SNX25: variants seen among roughly 807,000 people sequenced by gnomAD.
SNX25 encodes the protein sorting nexin-25.
Under a neutral mutation model 113.7 loss-of-function variants are expected in SNX25, and 62 were observed. The ratio of observed to expected loss-of-function variants is 0.55; its 90% CI spans 0.44 to 0.67. The LOEUF (loss-of-function observed/expected upper bound fraction) is 0.67. Ranked by LOEUF, SNX25 falls within the 30% of genes least tolerant of loss-of-function variation. SNX25 has a pLI of 0.00. For synonymous variants in SNX25, 421 were observed against 436.2 expected (o/e 0.97, Z 0.43); for missense variants, 1,014 against 1,161.0 (o/e 0.87, Z 1.84).
At chr4:185,324,398 C>G (rs1038447449) in intron 9 of SNX25, among the ~76,000 whole-genome samples, 7 of 152,232 alleles carry the variant, frequency 4.6e-5, no homozygotes, top group Non-Finnish European at 7.3e-5. Context: ...AGAGGGGCTT[C>G]TGGCCGATTT....
At chr4:185,281,145 A>C (rs769540061) in intron 5 of SNX25, among the ~76,000 whole-genome samples, 4 of 152,090 alleles carry the variant, frequency 2.6e-5, no homozygotes, top group African/African-American at 4.8e-5. Context: ...TTGTTGGACT[A>C]GAGTGATCTT....
chr4:185,239,461 A>AG (rs1290168948), intron 1 of SNX25, among the ~76,000 whole-genome samples: 2 of 152,044 alleles, frequency 1.3e-5, no homozygotes, highest in Non-Finnish European at 2.9e-5. Flanking sequence ...CCAGCCTGGC[A>AG]ACAGAGTGAG....
chr4:185,212,463 A>ATT (rs143929504), intron 1 of SNX25, among the ~76,000 whole-genome samples: 63,930 of 119,140 alleles, frequency 0.54, 17,876 homozygotes, highest in East Asian at 0.75. Flanking sequence ...AATTTGTGTG[A>ATT]TGTGTGTGTG....
chr4:185,235,044 G>A (rs1742407894), intron 1 of SNX25, among the ~76,000 whole-genome samples: 1 of 152,170 alleles, frequency 6.6e-6, no homozygotes, highest in Non-Finnish European at 1.5e-5. Flanking sequence ...TTTCGTATTT[G>A]TTCAGAGAAA....
intron 3 of SNX25, among the ~76,000 whole-genome samples, chr4:185,259,822 A>G (rs1172031312): frequency 6.6e-6 from 1 of 152,176 alleles, no homozygotes; most frequent in Non-Finnish European, 1.5e-5. Context: ...GGGAAGAGAT[A>G]AAGTATTTAG....
chr4:185,310,342 G>A (rs1306972139), intron 6 of SNX25, among the ~76,000 whole-genome samples: 2 of 152,200 alleles, frequency 1.3e-5, no homozygotes, highest in African/African-American at 4.8e-5. Context: ...ATATAAAGAT[G>A]TTAAAGAATA....
chr4:185,347,082 C>T (rs940212604), intron 13 of SNX25, among the ~76,000 whole-genome samples: 6 of 152,246 alleles, frequency 3.9e-5, no homozygotes, highest in African/African-American at 7.2e-5. Context: ...ACTCATCCAT[C>T]CTGTCATCTT....
chr4:185,228,482 G>A (rs143929033), intron 1 of SNX25, among the ~76,000 whole-genome samples: 8 of 151,846 alleles, frequency 5.3e-5, no homozygotes, highest in African/African-American at 1.2e-4. Context: ...AGCGGGAGAC[G>A]AAATTAATTA....
chr4:185,363,507 T>C lies in SNX25; in HGVS notation c.*42T>C. 4 of 1,568,424 alleles carry C rather than the reference T, an allele frequency of 2.6e-6. No individual in the cohort carries two copies. The highest frequency in any genetic ancestry group is 1.7e-4 in the Middle Eastern group (1 of 5,976). On this transcript the variant is annotated 3_prime_UTR_variant, in exon 19 of 19. Transcript: ENST00000652585. This position sits in a 1 kb window ranked among gnomAD's most constrained non-coding sequence, Gnocchi z 4.2. The stretch of plus-strand genomic sequence containing the variant: ...CACCAGAAAAATGTCTGTGTAATAA[T>C]AGACATGAAACATTTTCCTCTTTTC...
intron 5 of SNX25, among the ~76,000 whole-genome samples, chr4:185,278,943 A>G (rs1399099673): frequency 6.6e-6 from 1 of 152,316 alleles, no homozygotes; most frequent in African/African-American, 2.4e-5. Context: ...AAAAGGCACC[A>G]GCTAGCCAGT....
rs1355602166 is a variant in SNX25, at chr4:185,210,777, T to C, written c.429+522T>C. ...CACCACCCTATCCTGCCTTCCACCA[T>C]GCGGATACGTATTATAGTTGTGCAG... On this transcript the variant is annotated intron_variant, in intron 1 of 18. Transcript: ENST00000652585. This position sits in a 1 kb window ranked among gnomAD's most constrained non-coding sequence, Gnocchi z 4.4. Among the ~76,000 whole-genome samples, 1 of 151,984 alleles carries C rather than the reference T, an allele frequency of 6.6e-6. No homozygotes were observed. Among genetic ancestry groups the C allele is most frequent in the African/African-American group, 2.4e-5 (1 of 41,378 alleles).
chr4:185,298,277 T>C (rs911566762), intron 6 of SNX25, among the ~76,000 whole-genome samples: 1 of 151,812 alleles, frequency 6.6e-6, no homozygotes, highest in African/African-American at 2.4e-5. Context: ...TTAGTAGAGA[T>C]GAGGTTTTGC....
At chr4:185,327,196 T>G (rs2095162788) in intron 9 of SNX25, among the ~76,000 whole-genome samples, 1 of 152,202 alleles carries the variant, frequency 6.6e-6, no homozygotes, top group South Asian at 2.1e-4. Flanking sequence ...AAGTTTGGGA[T>G]TTTAATTATG....
intron 5 of SNX25, among the ~76,000 whole-genome samples, chr4:185,270,712 C>T (rs1007504495): frequency 3.3e-5 from 5 of 152,298 alleles, no homozygotes; most frequent in East Asian, 1.9e-4. Context: ...CCTTGGCAAC[C>T]GCCAGTCTGC....
chr4:185,365,688 A>AT (rs199710382), downstream of SNX25: 14 of 145,480 alleles, frequency 9.6e-5, no homozygotes, highest in African/African-American at 3.6e-4. Context: ...TCAAAAAAAA[A>AT]AAAATAATAA....
intron 6 of SNX25, among the ~76,000 whole-genome samples, chr4:185,306,025 C>G (rs1275643190): frequency 6.6e-6 from 1 of 152,196 alleles, no homozygotes; most frequent in Admixed American, 6.5e-5. Flanking sequence ...TCTAACAATG[C>G]ACAGTGTTAC....
rs1013201468 is a variant in SNX25, at chr4:185,362,528, A to G, written c.2834-83A>G. 6.2e-5 allele frequency: 83 copies of G among 1,341,136 alleles called. 1 individual carries two copies. The South Asian group carries it at 9.9e-4, about 16-fold the overall frequency. The allele number at this position is 1,341,136 out of a possible 1,614,324, so 83.1% of individuals were successfully genotyped here. A position where few individuals can be genotyped will look rare whatever the true frequency, so the allele number is the denominator to read the frequency against. On this transcript the variant is annotated intron_variant, in intron 17 of 18. Coordinates refer to ENST00000652585, the MANE Select transcript of SNX25 (RefSeq NM_001378034.2). ...CCATGTGTTTATTGACTGAAGGTGT[A>G]TAATGTTGTATTCCTTTCACTGCAA...
chr4:185,261,801 A>G (rs1432451921), intron 3 of SNX25, among the ~76,000 whole-genome samples: 1 of 152,172 alleles, frequency 6.6e-6, no homozygotes, highest in East Asian at 1.9e-4. Context: ...GTAGTTGATG[A>G]TAAAAAATAA....
At position 185,246,143 on chromosome 4, in the gene SNX25, G is replaced by A. The variant is rs1467150568; in HGVS notation, c.430-1151G>A. On this transcript the variant is annotated intron_variant, in intron 1 of 18. Coordinates refer to ENST00000652585, the MANE Select transcript of SNX25 (RefSeq NM_001378034.2). ...TCTACTAGAAATAAAAAATTAGCTG[G>A]GTGTGGTGTCGTGGGCCTGAAGTCC... 2.0e-5 allele frequency among the ~76,000 whole-genome samples: 3 copies of A among 152,148 alleles called. No individual in the cohort carries two copies. In the East Asian group the frequency reaches 5.8e-4, roughly 29 times the overall value.
Sources: allele counts gnomAD v4.1 joint callset (sites outside exome capture counted in the v4.1 genomes callset), GRCh38; gene constraint gnomAD v4.1.1; non-coding constraint Gnocchi (gnomAD v3.1); transcripts MANE v1.5; gene names NCBI Gene and HGNC (gene_info 2026-07-23, HGNC 2026-07-21).